Variants in SH3BP4 observed in about 807,000 individuals in gnomAD.
The protein encoded by SH3BP4 is SH3 domain binding protein 4.
SH3BP4 carries 33 observed loss-of-function variants against 65.5 expected under a neutral mutation model. The ratio of observed to expected loss-of-function variants is 0.50; its 90% confidence interval spans 0.38 to 0.67. SH3BP4 has a LOEUF of 0.67. Among genes scored for constraint, SH3BP4 ranks in the 30% least tolerant of loss-of-function variants. The pLI is 0.00. For missense variants in SH3BP4, 1,134 were observed against 1,261.4 expected, an observed-to-expected ratio of 0.90 and a Z score of 1.53; for synonymous variants, 552 against 545.5, an observed-to-expected ratio of 1.01 and a Z score of -0.17.
chr2:235,006,144 G>A (rs1187489601), intron 2 of SH3BP4, among the ~76,000 whole-genome samples: 2 of 152,088 alleles, frequency 1.3e-5, no homozygotes, highest in South Asian at 2.1e-4. Flanking sequence ...AGCACACGCC[G>A]GCCACGGCTT....
At chr2:235,053,345 G>A (rs1342594429) in intron 5 of SH3BP4, among the ~76,000 whole-genome samples, 2 of 152,192 alleles carry the variant, frequency 1.3e-5, no homozygotes, top group Admixed American at 6.5e-5. Context: ...GGAAAGAGAA[G>A]TCCTTTCTGT....
intron 3 of SH3BP4, among the ~76,000 whole-genome samples, chr2:235,036,740 A>AAAAAAAAAAAATAATAATAAAAAT: frequency 7.1e-6 from 1 of 141,772 alleles, no homozygotes; most frequent in Non-Finnish European, 1.5e-5. Context: ...TCTATATAAA[A>AAAAAAAAAAAATAATAATAAAAAT]AATAATAATA....
At chr2:235,039,111 G>T (rs1695550645) in intron 3 of SH3BP4, among the ~76,000 whole-genome samples, 1 of 152,098 alleles carries the variant, frequency 6.6e-6, no homozygotes, top group Non-Finnish European at 1.5e-5. Flanking sequence ...GTTTCTAAGG[G>T]CTCCACTCGA....
intron 2 of SH3BP4, among the ~76,000 whole-genome samples, chr2:235,003,968 A>C (rs1410126793): frequency 6.6e-6 from 1 of 152,156 alleles, no homozygotes; most frequent in Non-Finnish European, 1.5e-5. Context: ...ACATTGCTCC[A>C]GTGGGACTGC....
intron 2 of SH3BP4, among the ~76,000 whole-genome samples, chr2:235,027,494 G>A (rs758243653): frequency 5.3e-5 from 8 of 152,236 alleles, no homozygotes; most frequent in African/African-American, 1.2e-4. Context: ...TCTTGCTCGC[G>A]GAGGGAGATG....
In SH3BP4 at chr2:235,046,152, C is replaced by T. The variant is rs985818703; in HGVS notation, c.2478+2905C>T. Among the ~76,000 whole-genome samples the T allele has an allele frequency of 5.9e-5, 9 of 152,178 alleles. No homozygotes were observed. The highest frequency in any genetic ancestry group is 2.2e-4 in the African/African-American group (9 of 41,442). On this transcript the variant is annotated intron_variant, in intron 4 of 5. Transcript: ENST00000392011. The surrounding 1 kb of genome is among the most constrained non-coding windows in gnomAD (Gnocchi z 4.2). ...TATGCTGTTCCTCTTCCTGGAGCTCCCTTTCCCAGACCTCCTCATCTCCCT... is the reference window on the plus strand; with the variant it reads ...TATGCTGTTCCTCTTCCTGGAGCTCTCTTTCCCAGACCTCCTCATCTCCCT...
In SH3BP4 at chr2:235,052,655, C is replaced by T. The variant is rs1166061444; in HGVS notation, c.2572C>T (p.Arg858Trp). 4.4e-6 allele frequency: 7 copies of T among 1,590,096 alleles called. No individual in the cohort carries two copies. The highest frequency in any genetic ancestry group is 2.3e-5 in the East Asian group (1 of 43,246). Reference protein sequence around the residue: ...TTAVEVAQRWRELAEKLAKVS... With the variant: ...TTAVEVAQRWWELAEKLAKVS... ...GGCTGTAGAGGTGGCCCAGCGCTGG[C>T]GGGAGCTGGCTGAGAAGCTGGCCAA... The change falls in exon 5 of 6, where the codon CGG becomes TGG. Residue 858 changes from arginine (R) to tryptophan (W), a missense_variant. By Grantham distance (101) the Arg-to-Trp change is moderately radical. Coordinates refer to ENST00000392011, the MANE Select transcript of SH3BP4 (RefSeq NM_014521.3). The surrounding 1 kb of genome is among the most constrained non-coding windows in gnomAD (Gnocchi z 5.0).
chr2:235,004,721 T>C (rs528533935), intron 2 of SH3BP4, among the ~76,000 whole-genome samples: 1 of 152,384 alleles, frequency 6.6e-6, no homozygotes, highest in South Asian at 2.1e-4. Context: ...TTCCTTTTTA[T>C]GGCTGCATAA....
intron 2 of SH3BP4, among the ~76,000 whole-genome samples, chr2:235,008,176 G>C (rs2106292012): frequency 6.6e-6 from 1 of 152,320 alleles, no homozygotes; most frequent in East Asian, 1.9e-4. Context: ...GTGTGGCACA[G>C]CTTGAGGGGC....
At chr2:234,956,904 C>T (rs1253922754) in intron 1 of SH3BP4, among the ~76,000 whole-genome samples, 3 of 152,124 alleles carry the variant, frequency 2.0e-5, no homozygotes, top group African/African-American at 7.2e-5. Context: ...CTAGCCCCTC[C>T]AATGTAGGAG....
chr2:234,978,080 C>T lies in SH3BP4; in HGVS notation c.-206-17223C>T, dbSNP rs147158303. ...AAGCAATTCTCCTGCCTCAGCCTCC[C>T]GAGTAGCTGGGATTACAGGCATGCG... On this transcript the variant is annotated intron_variant, in intron 1 of 5. Coordinates refer to ENST00000392011, the MANE Select transcript of SH3BP4 (RefSeq NM_014521.3). This position sits in a 1 kb window ranked among gnomAD's most constrained non-coding sequence, Gnocchi z 4.1. 3.1e-3 allele frequency among the ~76,000 whole-genome samples: 470 copies of T among 152,212 alleles called. 2 individuals carry two copies. The highest frequency in any genetic ancestry group is 0.011 in the African/African-American group (440 of 41,534).
intron 1 of SH3BP4, among the ~76,000 whole-genome samples, chr2:234,962,375 T>G (rs1213478477): frequency 1.3e-5 from 2 of 152,120 alleles, no homozygotes; most frequent in African/African-American, 4.8e-5. Context: ...TGACCTCAAG[T>G]GATCTGCCCG....
At chr2:234,973,437 C>T (rs1434246913) in intron 1 of SH3BP4, among the ~76,000 whole-genome samples, 1 of 152,194 alleles carries the variant, frequency 6.6e-6, no homozygotes, top group Non-Finnish European at 1.5e-5. Flanking sequence ...GCAGTATGTA[C>T]AGCCTCACTT....
rs1187574605 is a variant in SH3BP4, at chr2:234,997,151, G to A, written c.-133+1775G>A. On this transcript the variant is annotated intron_variant, in intron 2 of 5. Transcript: ENST00000392011. This position sits in a 1 kb window ranked among gnomAD's most constrained non-coding sequence, Gnocchi z 4.2. ...GTGCCTCTGGGTGGGGTGTAGGGGTGCTTGGGGGCGTGGGTCCCCACAGCA... is the reference window on the plus strand; with the variant it reads ...GTGCCTCTGGGTGGGGTGTAGGGGTACTTGGGGGCGTGGGTCCCCACAGCA... 2.6e-5 allele frequency among the ~76,000 whole-genome samples: 4 copies of A among 152,202 alleles called. No homozygotes were observed. The highest frequency in any genetic ancestry group is 9.6e-5 in the African/African-American group (4 of 41,466).
At chr2:235,016,488 T>C (rs1167432694) in intron 2 of SH3BP4, among the ~76,000 whole-genome samples, 1 of 152,066 alleles carries the variant, frequency 6.6e-6, no homozygotes, top group African/African-American at 2.4e-5. Flanking sequence ...CCACCGCCCA[T>C]TCACTCGTCC....
intron 3 of SH3BP4, among the ~76,000 whole-genome samples, chr2:235,036,483 C>T (rs1695382157): frequency 6.6e-6 from 1 of 152,022 alleles, no homozygotes; most frequent in African/African-American, 2.4e-5. Flanking sequence ...GGGCTGGGCG[C>T]GGTGGCTCAC....
At chr2:235,001,551 T>C (rs1694100273) in intron 2 of SH3BP4, among the ~76,000 whole-genome samples, 1 of 152,238 alleles carries the variant, frequency 6.6e-6, no homozygotes, top group South Asian at 2.1e-4. Context: ...TTTCATTAAG[T>C]ACAGATACTC....
At position 234,954,333 on chromosome 2, in the gene SH3BP4, G is replaced by A. The variant is rs867083383; in HGVS notation, c.-207+2163G>A. 2.1e-4 allele frequency among the ~76,000 whole-genome samples: 32 copies of A among 152,202 alleles called. No individual in the cohort carries two copies. In the Middle Eastern group the frequency reaches 0.01, roughly 49 times the overall value. On this transcript the variant is annotated intron_variant, in intron 1 of 5. Transcript: ENST00000392011. Reference sequence around the variant, plus strand: ...CCCATGCCACCCCCACAACAACAAAGTAATCAGGGTAGAAGATCCTCTTTC... The same window carrying A: ...CCCATGCCACCCCCACAACAACAAAATAATCAGGGTAGAAGATCCTCTTTC...
rs754593774 is a variant in SH3BP4 at position 234,977,079 on chromosome 2, C to G, written c.-206-18224C>G. On this transcript the variant is annotated intron_variant, in intron 1 of 5. Transcript: ENST00000392011. This position sits in a 1 kb window ranked among gnomAD's most constrained non-coding sequence, Gnocchi z 5.1. ...GGCCTGTGGGAATTCTCTGTATTAT[C>G]TCCACGACTTTTCTATGAATTTAAA... is the stretch of plus-strand genomic sequence containing the variant. 6.6e-6 allele frequency among the ~76,000 whole-genome samples: 1 copy of G among 152,210 alleles called. No individual in the cohort carries two copies. The highest frequency in any genetic ancestry group is 1.5e-5 in the Non-Finnish European group (1 of 68,026).
Sources: allele counts gnomAD v4.1 joint callset (sites outside exome capture counted in the v4.1 genomes callset), GRCh38; gene constraint gnomAD v4.1.1; non-coding constraint Gnocchi (gnomAD v3.1); transcripts MANE v1.5; gene names NCBI Gene and HGNC (gene_info 2026-07-23, HGNC 2026-07-21).